Variants in ZDHHC4 observed in about 807,000 individuals in gnomAD.
The protein encoded by ZDHHC4 is zDHHC palmitoyltransferase 4.
ZDHHC4 carries 42 observed loss-of-function variants against 36.7 expected under a neutral mutation model. The ratio of observed to expected loss-of-function variants is 1.14; its 90% CI spans 0.89 to 1.48. The LOEUF (loss-of-function observed/expected upper bound fraction) is 1.48. Among genes scored for constraint, ZDHHC4 ranks in the 40% most tolerant of loss-of-function variants. ZDHHC4 has a pLI of 0.00. For missense variants in ZDHHC4, 457 were observed against 421.5 expected, an observed-to-expected ratio of 1.08 and a Z score of -0.74; for synonymous variants, 189 against 166.6, an observed-to-expected ratio of 1.13 and a Z score of -1.03.
At chr7:6,582,042 C>T (rs1213649800) in intron 4 of ZDHHC4, 31 bp from the exon 5 acceptor site, 1 of 1,596,538 alleles carries the variant, frequency 6.3e-7, no homozygotes, top group East Asian at 2.2e-5. Context: ...GAAGAAACCC[C>T]CATGAACAAG....
At chr7:6,586,701 C>T (rs1477863846) in intron 7 of ZDHHC4, among the ~76,000 whole-genome samples, 1 of 152,180 alleles carries the variant, frequency 6.6e-6, no homozygotes, top group African/African-American at 2.4e-5. Context: ...GTCTTGAACT[C>T]CTGACCTCAA....
intron 7 of ZDHHC4, 74 bp from the exon 8 acceptor site, chr7:6,588,543 A>C (rs1583397557): frequency 6.6e-7 from 1 of 1,518,264 alleles, no homozygotes. Flanking sequence ...TGGCAGGCCC[A>C]GGGTTGGCCA....
At chr7:6,584,757 G>T in intron 6 of ZDHHC4, 1 of 495,268 alleles carries the variant, frequency 2.0e-6, no homozygotes, top group Non-Finnish European at 3.7e-6. Flanking sequence ...CCTAGCCTCT[G>T]AGTAGCTGGG....
At chr7:6,588,112 G>A (rs773841718) in intron 7 of ZDHHC4, among the ~76,000 whole-genome samples, 2 of 152,098 alleles carry the variant, frequency 1.3e-5, no homozygotes, top group Admixed American at 6.5e-5. Context: ...TGATCTGCCC[G>A]CCTCGGCCTC....
chr7:6,587,909 A>T (rs1781348877), intron 7 of ZDHHC4, among the ~76,000 whole-genome samples: 1 of 152,204 alleles, frequency 6.6e-6, no homozygotes, highest in Non-Finnish European at 1.5e-5. Context: ...TCTGTCGCCT[A>T]GGCTGGAGTG....
intron 3 of ZDHHC4, 49 bp downstream of exon 3, chr7:6,580,727 T>G (rs776787129): frequency 6.4e-7 from 1 of 1,565,094 alleles, no homozygotes; most frequent in Admixed American, 1.7e-5. Context: ...TGTGTTAGTC[T>G]AAGAGACTCA....
chr7:6,589,035 G>A lies in ZDHHC4; in HGVS notation c.*125G>A. ...TATAAATCACTTTCGGTGGGCAAGGGAGAGAGGGGAAAATGGGTGTTGACT... is the reference window on the plus strand; with the variant it reads ...TATAAATCACTTTCGGTGGGCAAGGAAGAGAGGGGAAAATGGGTGTTGACT... On this transcript the variant is annotated 3_prime_UTR_variant, in exon 8 of 8. Coordinates refer to ENST00000335965, the MANE Select transcript of ZDHHC4 (RefSeq NM_001134389.2). The A allele has an allele frequency of 8.0e-7, 1 of 1,252,430 alleles. No homozygotes were observed. Among genetic ancestry groups the A allele is most frequent in the Non-Finnish European group, 1.1e-6 (1 of 904,528 alleles). The allele number at this position is 1,252,430 out of a possible 1,614,324, so 77.6% of individuals were successfully genotyped here.
chr7:6,581,600 G>C lies in ZDHHC4; in HGVS notation c.118-7G>C, dbSNP rs941228820. On this transcript the variant is annotated splice_region_variant and splice_polypyrimidine_tract_variant and intron_variant, in intron 3 of 7. Transcript: ENST00000335965. Reference sequence around the variant, plus strand: ...AAATTGAGTCTTTCTCTTTCCTTTTGTTTCAGATATTTTCCTGTATAATTC... The same window carrying C: ...AAATTGAGTCTTTCTCTTTCCTTTTCTTTCAGATATTTTCCTGTATAATTC... 1 of 1,606,104 alleles carries C rather than the reference G, an allele frequency of 6.2e-7. No homozygotes were observed. The highest frequency in any genetic ancestry group is 1.3e-5 in the African/African-American group (1 of 74,626).
chr7:6,578,468 GA>G, intron 1 of ZDHHC4, 97 bp from the exon 2 acceptor site: 1 of 152,356 alleles, frequency 6.6e-6, no homozygotes, highest in South Asian at 2.1e-4. Flanking sequence ...TGGGGGTGCT[GA>G]AAATCCCCTA....
chr7:6,587,561 C>G (rs945055187), intron 7 of ZDHHC4, among the ~76,000 whole-genome samples: 9 of 152,140 alleles, frequency 5.9e-5, no homozygotes, highest in African/African-American at 1.9e-4. Flanking sequence ...TTGTTTTTAC[C>G]CAAACAAGAT....
intron 3 of ZDHHC4, 70 bp from the exon 4 acceptor site, chr7:6,581,537 G>A: frequency 8.5e-7 from 1 of 1,175,826 alleles, no homozygotes; most frequent in South Asian, 1.2e-5. Context: ...TGTATGTGGA[G>A]TGTCTGATTT....
rs760621208 is a variant in ZDHHC4 at position 6,583,297 on chromosome 7, T to G, written c.371-9T>G. ...GCACGAAACTGACATATGTCCTTAC[T>G]TTTCCCAGGCATTATAACAAAAGCA... On this transcript the variant is annotated splice_polypyrimidine_tract_variant and intron_variant, in intron 5 of 7. Transcript: ENST00000335965. 8.1e-6 allele frequency: 13 copies of G among 1,613,638 alleles called. No individual in the cohort carries two copies. Among genetic ancestry groups the G allele is most frequent in the Non-Finnish European group, 1.0e-5 (12 of 1,179,864 alleles).
chr7:6,585,203 G>A lies in ZDHHC4; in HGVS notation c.684G>A (p.Glu228=). Residue 228 remains glutamate (E), a synonymous_variant, in exon 7 of 8, where the codon GAG becomes GAA. Coordinates refer to ENST00000335965, the MANE Select transcript of ZDHHC4 (RefSeq NM_001134389.2). ...HLVVMSDLYQ[E]TYIDDLGHLH... is the part of the protein sequence containing the mutation. Reference sequence around the variant, plus strand: ...TGGTGATGTCAGATTTATACCAGGAGACTTACATCGATGACCTTGGACACC... The same window carrying A: ...TGGTGATGTCAGATTTATACCAGGAAACTTACATCGATGACCTTGGACACC... 1 of 1,614,164 alleles carries A rather than the reference G, an allele frequency of 6.2e-7. No homozygotes were observed. Among genetic ancestry groups the A allele is most frequent in the Non-Finnish European group, 8.5e-7 (1 of 1,180,036 alleles).
At chr7:6,579,323 CCT>C (rs1431152451) in intron 2 of ZDHHC4, among the ~76,000 whole-genome samples, 3 of 151,996 alleles carry the variant, frequency 2.0e-5, no homozygotes, top group Non-Finnish European at 4.4e-5. Context: ...GCCTCCACCC[CCT>C]GAGTCGCTGG....
At chr7:6,587,576 G>A (rs1781327245) in intron 7 of ZDHHC4, among the ~76,000 whole-genome samples, 1 of 152,232 alleles carries the variant, frequency 6.6e-6, no homozygotes. Flanking sequence ...CAAGATGACA[G>A]TGTAATCCTT....
At chr7:6,587,929 A>G (rs10230366) in intron 7 of ZDHHC4, among the ~76,000 whole-genome samples, 2,580 of 152,324 alleles carry the variant, frequency 0.017, 60 homozygotes, top group African/African-American at 0.058. Flanking sequence ...GCAGTTGCAC[A>G]ATCTCAGCTC....
intron 2 of ZDHHC4, among the ~76,000 whole-genome samples, chr7:6,580,283 G>C (rs935537289): frequency 2.0e-5 from 3 of 152,140 alleles, no homozygotes; most frequent in Non-Finnish European, 2.9e-5. Context: ...TTACAGGCAT[G>C]AGCCACTGCA....
At position 6,588,744 on chromosome 7, in the gene ZDHHC4, G is replaced by A. The variant is rs926704621; in HGVS notation, c.869G>A (p.Trp290Ter). 1 of 1,614,212 alleles carries A rather than the reference G, an allele frequency of 6.2e-7. No homozygotes were observed. The highest frequency in any genetic ancestry group is 2.2e-5 in the East Asian group (1 of 44,892). ...LAATNQTTNE[W>*]YRGDWAWCQR... ...GCCACCAACCAGACTACTAACGAGT[G>A]GTACAGAGGTGACTGGGCCTGGTGC... Residue 290 changes from tryptophan to a stop codon, truncating the protein, a stop_gained, in exon 8 of 8, where the codon TGG becomes TAG. Coordinates refer to ENST00000335965, the MANE Select transcript of ZDHHC4 (RefSeq NM_001134389.2). LOFTEE classifies it high-confidence loss of function.
chr7:6,583,288 T>C lies in ZDHHC4; in HGVS notation c.371-18T>C. The C allele has an allele frequency of 1.2e-6, 2 of 1,613,544 alleles. No homozygotes were observed. The highest frequency in any genetic ancestry group is 1.1e-5 in the South Asian group (1 of 90,972). On this transcript the variant is annotated intron_variant, in intron 5 of 7. Coordinates refer to ENST00000335965, the MANE Select transcript of ZDHHC4 (RefSeq NM_001134389.2). Reference sequence around the variant, plus strand: ...CAAAGTATTGCACGAAACTGACATATGTCCTTACTTTTCCCAGGCATTATA... The same window carrying C: ...CAAAGTATTGCACGAAACTGACATACGTCCTTACTTTTCCCAGGCATTATA...
Sources: gnomAD v4.1 joint callset for allele counts (sites outside exome capture counted in the v4.1 genomes callset) on GRCh38, gnomAD v4.1.1 for gene constraint, MANE v1.5 for transcripts, NCBI Gene and HGNC (gene_info 2026-07-23, HGNC 2026-07-21) for gene names.